The following DSC3 variants were observed in gnomAD, a reference collection of about 807,000 sequenced individuals.
The protein encoded by DSC3 is desmocollin-3.
Under a neutral mutation model 89.5 loss-of-function variants are expected in DSC3, and 97 were observed. That is an observed-to-expected ratio of 1.08 (90% CI 0.92 to 1.28). DSC3 has a LOEUF of 1.28. Ranked by LOEUF, DSC3 falls within the 50% of genes most tolerant of loss-of-function variation. DSC3 has a pLI of 0.00. For synonymous variants in DSC3, 436 were observed against 384.1 expected (o/e 1.14, Z -1.58); for missense variants, 1,199 against 1,085.3 (o/e 1.10, Z -1.47).
At chr18:31,033,028 T>C (rs535643831) in intron 1 of DSC3, among the ~76,000 whole-genome samples, 1 of 152,270 alleles carries the variant, frequency 6.6e-6, no homozygotes, top group South Asian at 2.1e-4. Flanking sequence ...TACACTAGCA[T>C]TGAAAAATTT....
In DSC3 at chr18:31,008,433, G is replaced by A; in HGVS notation, c.1356C>T (p.Ala452=). The part of the protein sequence containing the change: ...PFARDIPRVT[A]LNRALVTVHV... ...GAACTGTAACCAAGGCTCTGTTCAAGGCTGTCACTCTGGGAATATCTCTAG... is the reference window on the plus strand; with the variant it reads ...GAACTGTAACCAAGGCTCTGTTCAAAGCTGTCACTCTGGGAATATCTCTAG... Residue 452 remains alanine (A), a synonymous_variant, in exon 10 of 16, where the codon GCC becomes GCT. Transcript: ENST00000360428. The A allele has an allele frequency of 6.2e-7, 1 of 1,614,124 alleles. No individual in the cohort carries two copies. The highest frequency in any genetic ancestry group is 8.5e-7 in the Non-Finnish European group (1 of 1,180,018).
chr18:31,022,456 G>T lies in DSC3; in HGVS notation c.822C>A (p.Asp274Glu). ...VVCATDRDEPDTMHTRLKYSI... is the reference protein window; with the variant it reads ...VVCATDRDEPETMHTRLKYSI... ...TGTATTTCAGGCGCGTATGCATTGTGTCCGGTTCATCTCTGTCTGTGGCAC... is the reference window on the plus strand; with the variant it reads ...TGTATTTCAGGCGCGTATGCATTGTTTCCGGTTCATCTCTGTCTGTGGCAC... Residue 274 changes from aspartate (D) to glutamate (E), a missense_variant, in exon 7 of 16, where the codon GAC (aspartate) becomes GAA (glutamate). Asp to Glu is a conservative substitution (Grantham distance 45). Coordinates refer to ENST00000360428, the MANE Select transcript of DSC3 (RefSeq NM_001941.5). The T allele has an allele frequency of 6.2e-7, 1 of 1,614,024 alleles. No individual in the cohort carries two copies. Among genetic ancestry groups the T allele is most frequent in the South Asian group, 1.1e-5 (1 of 91,090 alleles).
In DSC3 at chr18:30,996,891, T is replaced by A. The variant is rs1984490333; in HGVS notation, c.2393A>T (p.His798Leu). 1.2e-6 allele frequency: 2 copies of A among 1,613,980 alleles called. No homozygotes were observed. The highest frequency in any genetic ancestry group is 1.3e-5 in the African/African-American group (1 of 74,976). The change falls in exon 15 of 16, where the codon CAT (histidine) becomes CTT (leucine). Residue 798 changes from histidine to leucine, a missense_variant. Transcript: ENST00000360428. The stretch of plus-strand genomic sequence containing the variant: ...TCCCCTGCAGGAGTCCAGGGTATGA[T>A]GATGCCCAGCCCCCCGGCAGGATTC... ...TLESCRGAGH[H>L]HTLDSCRGGH...
chr18:31,007,665 T>C (rs1232456377), intron 11 of DSC3, among the ~76,000 whole-genome samples: 1 of 152,196 alleles, frequency 6.6e-6, no homozygotes, highest in Non-Finnish European at 1.5e-5. Flanking sequence ...TTTGACCTAA[T>C]ATGCAGCTGA....
At chr18:31,042,453 G>T in intron 1 of DSC3, 139 bp downstream of exon 1, 1 of 854,454 alleles carries the variant, frequency 1.2e-6, no homozygotes, top group Non-Finnish European at 1.9e-6. Context: ...CCCGAACTTG[G>T]GGCTGCTACC....
chr18:31,006,921 AG>A lies in DSC3; in HGVS notation c.1873del (p.Leu625SerfsTer28). On this transcript the variant is annotated frameshift_variant, in exon 12 of 16. Coordinates refer to ENST00000360428, the MANE Select transcript of DSC3 (RefSeq NM_001941.5). LOFTEE classifies it high-confidence loss of function. ...TSPEISRLWSLTKVNDTAARL... is the reference protein window; with the variant it reads ...TSPEISRLWSXTKVNDTAARL... Reference sequence around the variant, plus strand: ...TTATTAAATACCATTAACTTTGGTGAGGCTCCACAGTCTACTGATTTCTGGA... The same window carrying A: ...TTATTAAATACCATTAACTTTGGTGAGCTCCACAGTCTACTGATTTCTGGA... 6.2e-7 allele frequency: 1 copy of A among 1,611,634 alleles called. No individual in the cohort carries two copies. The highest frequency in any genetic ancestry group is 8.5e-7 in the Non-Finnish European group (1 of 1,177,980).
Position 30,993,144 on chromosome 18 carries a change from T to C in DSC3, c.*1031A>G, listed in dbSNP as rs1380041363. The C allele has an allele frequency of 1.3e-5, 2 of 152,124 alleles. No homozygotes were observed. Among genetic ancestry groups the C allele is most frequent in the Non-Finnish European group, 2.9e-5 (2 of 68,028 alleles). The allele number at this position is 152,124 out of a possible 1,614,324, so 9.4% of individuals were successfully genotyped here. On this transcript the variant is annotated 3_prime_UTR_variant, in exon 16 of 16. Coordinates refer to ENST00000360428, the MANE Select transcript of DSC3 (RefSeq NM_001941.5). ...CTATAAGAGAGAATAGAAACAGCAA[T>C]AGAGGATTTAACTTCAGTAAAGGTA...
chr18:30,996,641 T>C (rs1984475687), intron 15 of DSC3, 150 bp downstream of exon 15: 3 of 761,344 alleles, frequency 3.9e-6, no homozygotes, highest in South Asian at 2.8e-5. Context: ...AATTAAATAA[T>C]GTAACAAAAT....
At chr18:31,042,494 G>A in intron 1 of DSC3, 98 bp downstream of exon 1, 6 of 1,254,728 alleles carry the variant, frequency 4.8e-6, no homozygotes, top group Non-Finnish European at 6.8e-6. Context: ...AGCCGCGGTT[G>A]TCACGTTTCG....
In DSC3 at chr18:30,991,731, A is replaced by C. The variant is rs907619659; in HGVS notation, c.*2444T>G. 4 of 152,356 alleles carry C rather than the reference A, an allele frequency of 2.6e-5. No individual in the cohort carries two copies. Among genetic ancestry groups the C allele is most frequent in the Non-Finnish European group, 5.9e-5 (4 of 68,040 alleles). 9.4% of individuals were successfully genotyped at this position (152,356 alleles called of 1,614,324 possible). A position where few individuals can be genotyped will look rare whatever the true frequency, so the allele number is the denominator to read the frequency against. On this transcript the variant is annotated 3_prime_UTR_variant, in exon 16 of 16. Coordinates refer to ENST00000360428, the MANE Select transcript of DSC3 (RefSeq NM_001941.5). ...TAGGCTTACAGAGAATTCCATTCTC[A>C]GACCAATATTTTGTGCCCTGAGTTC...
intron 11 of DSC3, 74 bp from the exon 12 acceptor site, chr18:31,007,205 T>G: frequency 2.0e-6 from 2 of 1,024,680 alleles, no homozygotes; most frequent in Non-Finnish European, 3.0e-6. Context: ...AAAAGTCAAT[T>G]ATATTCTATA....
intron 1 of DSC3, 44 bp from the exon 2 acceptor site, chr18:31,032,320 T>C: frequency 7.0e-7 from 1 of 1,428,508 alleles, no homozygotes; most frequent in Non-Finnish European, 9.9e-7. Flanking sequence ...AAATAAAGAT[T>C]AAAAAAAACA....
chr18:31,021,432 TA>T (rs1271032063), intron 7 of DSC3, among the ~76,000 whole-genome samples: 22 of 152,276 alleles, frequency 1.4e-4, no homozygotes, highest in African/African-American at 5.3e-4. Context: ...AAAATAAAAA[TA>T]ACGACAATTA....
chr18:30,993,738 T>C lies in DSC3; in HGVS notation c.*437A>G, dbSNP rs1984353453. On this transcript the variant is annotated 3_prime_UTR_variant, in exon 16 of 16. Transcript: ENST00000360428. ...TCTTTATGAGCTGCAACATTTTTAA[T>C]TTAATTCAGTCTTCATTGTTTCTTT... The C allele has an allele frequency of 5.9e-6, 1 of 168,716 alleles. No individual in the cohort carries two copies. The highest frequency in any genetic ancestry group is 1.3e-5 in the Non-Finnish European group (1 of 78,224). 10.5% of individuals were successfully genotyped at this position (168,716 alleles called of 1,614,324 possible). A position where few individuals can be genotyped will look rare whatever the true frequency, so the allele number is the denominator to read the frequency against.
At chr18:31,020,669 G>A (rs532544818) in intron 7 of DSC3, among the ~76,000 whole-genome samples, 84 of 151,984 alleles carry the variant, frequency 5.5e-4, no homozygotes, top group Middle Eastern at 6.8e-3. Context: ...CTAGTCAGGT[G>A]CCATGGCTCA....
At chr18:31,032,625 T>C (rs906626105) in intron 1 of DSC3, among the ~76,000 whole-genome samples, 2 of 150,960 alleles carry the variant, frequency 1.3e-5, no homozygotes, top group Non-Finnish European at 2.9e-5. Flanking sequence ...TGACTGAGTC[T>C]CACTCTATGG....
intron 14 of DSC3, among the ~76,000 whole-genome samples, chr18:30,997,290 A>G (rs1241826085): frequency 1.3e-5 from 2 of 152,174 alleles, no homozygotes; most frequent in Non-Finnish European, 2.9e-5. Flanking sequence ...TCTTACAGTT[A>G]TGAAGTCTGG....
Position 30,991,035 on chromosome 18 carries a change from T to C in DSC3, c.*3140A>G, listed in dbSNP as rs1165514372. The C allele has an allele frequency of 2.4e-4, 36 of 152,328 alleles. No homozygotes were observed. The highest frequency in any genetic ancestry group is 2.4e-3 in the Admixed American group (36 of 15,276). 9.4% of individuals were successfully genotyped at this position (152,328 alleles called of 1,614,324 possible). A position where few individuals can be genotyped will look rare whatever the true frequency, so the allele number is the denominator to read the frequency against. On this transcript the variant is annotated 3_prime_UTR_variant, in exon 16 of 16. Transcript: ENST00000360428. ...TGCAAAGTGATCATCTTAGAATTAT[T>C]TAATCTCTAAATACAGCAAAAACAA...
intron 8 of DSC3, among the ~76,000 whole-genome samples, 172 bp downstream of exon 8, chr18:31,018,491 CTAA>C (rs1985309000): frequency 6.6e-6 from 1 of 151,846 alleles, no homozygotes; most frequent in African/African-American, 2.4e-5. Context: ...AATAGAAACA[CTAA>C]TATGAATAAA....
Sources: gnomAD v4.1 joint callset for allele counts (sites outside exome capture counted in the v4.1 genomes callset) on GRCh38, gnomAD v4.1.1 for gene constraint, MANE v1.5 for transcripts, NCBI Gene and HGNC (gene_info 2026-07-23, HGNC 2026-07-21) for gene names.